Variants in SPOCK3 observed in about 807,000 individuals in gnomAD.
SPOCK3 encodes testican-3.
In SPOCK3, 30 loss-of-function variants were observed where a neutral mutation model predicts 56.6. The ratio of observed to expected loss-of-function variants is 0.53; its 90% CI spans 0.40 to 0.72. The LOEUF (loss-of-function observed/expected upper bound fraction) is 0.72. SPOCK3 is among the 30% of genes least tolerant of loss of function. The pLI is 0.00. For missense variants in SPOCK3, 527 were observed against 530.0 expected (o/e 0.99, Z 0.06); for synonymous variants, 196 against 183.3 (o/e 1.07, Z -0.56).
intron 2 of SPOCK3, among the ~76,000 whole-genome samples, chr4:167,184,465 G>T (rs1241685401): frequency 6.6e-6 from 1 of 152,090 alleles, no homozygotes; most frequent in African/African-American, 2.4e-5. Flanking sequence ...CATTTACTGA[G>T]CATTCACACT....
At chr4:167,021,955 C>A (rs1751228260) in intron 3 of SPOCK3, among the ~76,000 whole-genome samples, 1 of 152,020 alleles carries the variant, frequency 6.6e-6, no homozygotes, top group South Asian at 2.1e-4. Context: ...TTGCAGTACC[C>A]TAATACTACC....
chr4:166,737,122 C>T (rs1246814128), intron 10 of SPOCK3, among the ~76,000 whole-genome samples: 1 of 152,034 alleles, frequency 6.6e-6, no homozygotes, highest in Non-Finnish European at 1.5e-5. Context: ...CATCTGAAGA[C>T]ACGATAAATA....
At chr4:166,783,470 C>T (rs1186077668) in intron 7 of SPOCK3, among the ~76,000 whole-genome samples, 2 of 152,074 alleles carry the variant, frequency 1.3e-5, no homozygotes, top group African/African-American at 4.8e-5. Flanking sequence ...CTTAATATAC[C>T]TCCACGTGTT....
intron 6 of SPOCK3, among the ~76,000 whole-genome samples, chr4:166,811,340 G>T (rs1196976924): frequency 6.6e-6 from 1 of 150,524 alleles, no homozygotes; most frequent in African/African-American, 2.4e-5. Context: ...TCTAAAGTTT[G>T]CAGTCTAAAG....
rs547597762 is a variant in SPOCK3, at chr4:166,844,522, G to A, written c.589+44608C>T. On this transcript the variant is annotated intron_variant, in intron 6 of 10. Coordinates refer to ENST00000357545, the MANE Select transcript of SPOCK3 (RefSeq NM_001040159.2). ...ACCCTTCATAGTGGGGTTGAGCCTC[G>A]TCCAATCAGCTGAAGACCATACAAG... 1.4e-4 allele frequency among the ~76,000 whole-genome samples: 21 copies of A among 152,190 alleles called. 1 individual carries two copies. The South Asian group carries it at 3.5e-3, about 26-fold the overall frequency.
intron 4 of SPOCK3, among the ~76,000 whole-genome samples, chr4:166,916,180 T>C (rs972167356): frequency 3.9e-5 from 6 of 152,070 alleles, no homozygotes; most frequent in African/African-American, 1.4e-4. Context: ...AGTTTTCTTT[T>C]TTTTTTCCTC....
At chr4:167,209,551 C>T (rs1202922751) in intron 2 of SPOCK3, among the ~76,000 whole-genome samples, 2 of 152,084 alleles carry the variant, frequency 1.3e-5, no homozygotes, top group Admixed American at 6.6e-5. Context: ...TTCAAAAAAT[C>T]CCCACTTTCC....
At chr4:167,179,245 C>G (rs888635165) in intron 2 of SPOCK3, among the ~76,000 whole-genome samples, 1 of 152,120 alleles carries the variant, frequency 6.6e-6, no homozygotes. Context: ...TATTGGCCAA[C>G]GTAGAAACTT....
intron 3 of SPOCK3, among the ~76,000 whole-genome samples, chr4:167,022,995 A>G (rs770001789): frequency 8.6e-5 from 13 of 152,034 alleles, no homozygotes; most frequent in Non-Finnish European, 1.3e-4. Context: ...TCTTTCCTCC[A>G]GTCTTCCCAG....
intron 2 of SPOCK3, among the ~76,000 whole-genome samples, chr4:167,107,408 T>G (rs746456798): frequency 1.3e-5 from 2 of 151,836 alleles, no homozygotes; most frequent in Non-Finnish European, 2.9e-5. Flanking sequence ...ATATGATCAT[T>G]TCAATTGTTG....
Position 166,762,905 on chromosome 4 carries a change from G to T in SPOCK3, c.710-8176C>A, listed in dbSNP as rs191239428. 3.4e-3 allele frequency among the ~76,000 whole-genome samples: 523 copies of T among 152,202 alleles called. 5 individuals are homozygous for T. Among genetic ancestry groups the T allele is most frequent in the Middle Eastern group, 6.8e-3 (2 of 294 alleles). ...AACCAACCATGAGCCTTATTGAACT[G>T]TGGGACTATGTCACTTGCCTTAACA... is the stretch of plus-strand genomic sequence containing the variant. On this transcript the variant is annotated intron_variant, in intron 7 of 10. Transcript: ENST00000357545.
chr4:166,901,408 G>A (rs1736032459), intron 5 of SPOCK3, among the ~76,000 whole-genome samples: 1 of 152,140 alleles, frequency 6.6e-6, no homozygotes, highest in Admixed American at 6.5e-5. Flanking sequence ...TGGGACAACA[G>A]ACTCATCATT....
rs556540926 is a variant in SPOCK3, at chr4:166,964,940, G to T, written c.350+35409C>A. Among the ~76,000 whole-genome samples, 6 of 151,974 alleles carry T rather than the reference G, an allele frequency of 3.9e-5. No individual in the cohort carries two copies. In the South Asian group the frequency reaches 1.2e-3, roughly 31 times the overall value. On this transcript the variant is annotated intron_variant, in intron 4 of 10. Coordinates refer to ENST00000357545, the MANE Select transcript of SPOCK3 (RefSeq NM_001040159.2). ...CAGGAATGTGAACAACTGTAAAGAT[G>T]TAAAGACAAAAATACCAATCTCTCT...
rs1056483814 is a variant in SPOCK3 at position 166,944,103 on chromosome 4, C to T, written c.351-31360G>A. On this transcript the variant is annotated intron_variant, in intron 4 of 10. Coordinates refer to ENST00000357545, the MANE Select transcript of SPOCK3 (RefSeq NM_001040159.2). Reference sequence around the variant, plus strand: ...CGAAGGTTACAGTGAGACGGGTTTGCGCCACTTCACTCCAGCCTGGGTGAC... The same window carrying T: ...CGAAGGTTACAGTGAGACGGGTTTGTGCCACTTCACTCCAGCCTGGGTGAC... Among the ~76,000 whole-genome samples, 16 of 152,092 alleles carry T rather than the reference C, an allele frequency of 1.1e-4. 1 individual carries two copies. Among genetic ancestry groups the T allele is most frequent in the Admixed American group, 3.9e-4 (6 of 15,274 alleles).
chr4:167,024,513 T>C (rs1751507799), intron 3 of SPOCK3, among the ~76,000 whole-genome samples: 1 of 152,036 alleles, frequency 6.6e-6, no homozygotes, highest in Non-Finnish European at 1.5e-5. Context: ...ACCCTACAAT[T>C]ATATTTCTAG....
chr4:166,850,725 G>T (rs1044861381), intron 6 of SPOCK3, among the ~76,000 whole-genome samples: 1 of 152,210 alleles, frequency 6.6e-6, no homozygotes, highest in African/African-American at 2.4e-5. Context: ...CTGGAAAATC[G>T]GGTCACTCCC....
intron 2 of SPOCK3, among the ~76,000 whole-genome samples, chr4:167,148,145 G>A (rs572875202): frequency 1.6e-4 from 25 of 152,010 alleles, no homozygotes; most frequent in African/African-American, 3.9e-4. Context: ...CTTGAGAACC[G>A]GTGAATTTGT....
chr4:166,930,227 A>G (rs1413763176), intron 4 of SPOCK3, among the ~76,000 whole-genome samples: 1 of 152,128 alleles, frequency 6.6e-6, no homozygotes, highest in African/African-American at 2.4e-5. Flanking sequence ...AAGAAAACAT[A>G]TTTTTCCCTC....
chr4:167,055,128 CT>C (rs927564947), intron 3 of SPOCK3, among the ~76,000 whole-genome samples: 3 of 151,892 alleles, frequency 2.0e-5, no homozygotes, highest in African/African-American at 4.8e-5. Context: ...TTTTTCTTCA[CT>C]TTTTTTAGAA....
Sources: gnomAD v4.1 joint callset for allele counts (sites outside exome capture counted in the v4.1 genomes callset) on GRCh38, gnomAD v4.1.1 for gene constraint, MANE v1.5 for transcripts, NCBI Gene and HGNC (gene_info 2026-07-23, HGNC 2026-07-21) for gene names.